FARP2: variants seen among roughly 807,000 people sequenced by gnomAD.
FARP2 encodes FERM, ARH/RhoGEF and pleckstrin domain protein 2.
FARP2 carries 111 observed loss-of-function variants against 130.5 expected under a neutral mutation model. The observed-to-expected ratio is 0.85, with a 90% CI of 0.73 to 1.00. The LOEUF (loss-of-function observed/expected upper bound fraction) is 1.00. Ranked by LOEUF, FARP2 falls within the 50% of genes least tolerant of loss-of-function variation. The pLI is 0.00. For synonymous variants in FARP2, 504 were observed against 516.9 expected, an observed-to-expected ratio of 0.98 and a Z score of 0.34; for missense variants, 1,385 against 1,346.3, an observed-to-expected ratio of 1.03 and a Z score of -0.45.
At chr2:241,375,501 G>A (rs2061516599) in intron 2 of FARP2, among the ~76,000 whole-genome samples, 1 of 151,890 alleles carries the variant, frequency 6.6e-6, no homozygotes, top group Admixed American at 6.6e-5. Flanking sequence ...TAAATAAGAT[G>A]TAAATTCTTC....
At chr2:241,483,368 C>A (rs1465157722) in intron 19 of FARP2, 97 bp from the exon 20 acceptor site, 11 of 1,011,600 alleles carry the variant, frequency 1.1e-5, no homozygotes, top group Non-Finnish European at 1.7e-5. Context: ...CAGAGGAGCA[C>A]AAGCGGCCAC....
chr2:241,409,590 C>A (rs1278200034), intron 5 of FARP2, among the ~76,000 whole-genome samples: 4 of 152,118 alleles, frequency 2.6e-5, no homozygotes. Flanking sequence ...AGTAAAAGTT[C>A]TCCATTTACT....
chr2:241,483,955 G>A (rs1559811343), intron 20 of FARP2: 2 of 1,302,512 alleles, frequency 1.5e-6, no homozygotes, highest in East Asian at 3.6e-5. Flanking sequence ...GAAACATGTG[G>A]ATGAGGAGGT....
At chr2:241,430,610 C>G (rs750500600) in intron 8 of FARP2, among the ~76,000 whole-genome samples, 112 of 152,294 alleles carry the variant, frequency 7.4e-4, no homozygotes, top group Admixed American at 1.3e-3. Flanking sequence ...CCTGCCTGGC[C>G]ACTATCACTG....
At chr2:241,359,089 T>A (rs2061127185) in intron 1 of FARP2, among the ~76,000 whole-genome samples, 1 of 152,170 alleles carries the variant, frequency 6.6e-6, no homozygotes, top group South Asian at 2.1e-4. Flanking sequence ...GGAAATATGC[T>A]TTAAAATGTG....
At position 241,463,325 on chromosome 2, in the gene FARP2, C is replaced by G; in HGVS notation, c.1678-10C>G. The G allele has an allele frequency of 1.2e-6, 2 of 1,613,318 alleles. No individual in the cohort carries two copies. Among genetic ancestry groups the G allele is most frequent in the Non-Finnish European group, 1.7e-6 (2 of 1,179,478 alleles). ...GCCACACCTCCCATCACACCACACTCTTCCCACAGTGGTTCCGCAGCGCAG... is the reference window on the plus strand; with the variant it reads ...GCCACACCTCCCATCACACCACACTGTTCCCACAGTGGTTCCGCAGCGCAG... On this transcript the variant is annotated splice_polypyrimidine_tract_variant and intron_variant, in intron 15 of 26. Coordinates refer to ENST00000264042, the MANE Select transcript of FARP2 (RefSeq NM_014808.4).
At chr2:241,444,664 A>G (rs571491610) in intron 13 of FARP2, 1 of 152,084 alleles carries the variant, frequency 6.6e-6, no homozygotes, top group South Asian at 2.1e-4. Flanking sequence ...TCACTCGCTC[A>G]TGTGCGAGAT....
intron 7 of FARP2, among the ~76,000 whole-genome samples, chr2:241,414,752 G>A (rs7574176): frequency 0.016 from 2,430 of 152,336 alleles, 43 homozygotes; most frequent in African/African-American, 0.042. Flanking sequence ...TGTGTGCAGT[G>A]TAGCGGGAGC....
intron 2 of FARP2, among the ~76,000 whole-genome samples, chr2:241,390,132 C>T (rs757931563): frequency 2.3e-4 from 35 of 152,192 alleles, no homozygotes; most frequent in Non-Finnish European, 4.0e-4. Context: ...TGAAGTTGGC[C>T]CCGTGGCATA....
intron 5 of FARP2, 98 bp from the exon 6 acceptor site, chr2:241,410,935 C>T: frequency 1.2e-6 from 1 of 861,012 alleles, no homozygotes; most frequent in Non-Finnish European, 1.9e-6. Flanking sequence ...ACTGCCACTT[C>T]CCAGGGCTCA....
intron 17 of FARP2, chr2:241,465,735 C>T: frequency 6.4e-7 from 1 of 1,550,858 alleles, no homozygotes; most frequent in Non-Finnish European, 8.7e-7. Context: ...CACCATGAAG[C>T]TGAGCCACAG....
chr2:241,410,039 AG>A (rs1450433530), intron 5 of FARP2, among the ~76,000 whole-genome samples: 5 of 151,016 alleles, frequency 3.3e-5, no homozygotes, highest in East Asian at 2.0e-4. Context: ...CACTAGGGAC[AG>A]GGGGTTGGTC....
At chr2:241,441,645 G>A in intron 13 of FARP2, 89 bp downstream of exon 13, 1 of 1,566,336 alleles carries the variant, frequency 6.4e-7, no homozygotes, top group African/African-American at 1.3e-5. Context: ...ACACAGGGAG[G>A]GCCGGTAGGG....
intron 8 of FARP2, among the ~76,000 whole-genome samples, chr2:241,431,287 C>G (rs1201554057): frequency 1.3e-5 from 2 of 152,034 alleles, no homozygotes; most frequent in Non-Finnish European, 2.9e-5. Context: ...GGCAACAGAG[C>G]AAGACCTCAT....
rs1006029435 is a variant in FARP2, at chr2:241,369,149, A to T, written c.-24-3935A>T. Among the ~76,000 whole-genome samples, 6 of 151,972 alleles carry T rather than the reference A, an allele frequency of 3.9e-5. 1 individual carries two copies. The highest frequency in any genetic ancestry group is 1.5e-4 in the African/African-American group (6 of 41,306). ...TTGGAAAGTGTGCAAACGTGTAAAG[A>T]TTTCCTCTGTGAGCCACATATTTGA... is the stretch of plus-strand genomic sequence containing the variant. On this transcript the variant is annotated intron_variant, in intron 1 of 26. Coordinates refer to ENST00000264042, the MANE Select transcript of FARP2 (RefSeq NM_014808.4).
chr2:241,479,385 G>A (rs1208693141), intron 19 of FARP2, among the ~76,000 whole-genome samples: 3 of 152,240 alleles, frequency 2.0e-5, no homozygotes, highest in African/African-American at 4.8e-5. Context: ...CCAGCACGCC[G>A]TGGCCTCGGG....
chr2:241,454,548 G>A (rs972746844), intron 13 of FARP2, among the ~76,000 whole-genome samples: 52 of 152,128 alleles, frequency 3.4e-4, no homozygotes, highest in Admixed American at 2.8e-3. Context: ...GCGCATCTTC[G>A]GAAACATGCC....
chr2:241,404,453 G>A lies in FARP2; in HGVS notation c.289-346G>A, dbSNP rs902962799. Among the ~76,000 whole-genome samples the A allele has an allele frequency of 5.3e-5, 8 of 152,118 alleles. No individual in the cohort carries two copies. The East Asian group carries it at 5.8e-4, about 11-fold the overall frequency. The stretch of plus-strand genomic sequence containing the variant: ...ACGTACCTCTTTTTTGCAGAAGCCC[G>A]CTCATCAGTTTGTTCACAAATGCAG... On this transcript the variant is annotated intron_variant, in intron 3 of 26. Transcript: ENST00000264042.
At chr2:241,435,757 C>G (rs567909176) in intron 11 of FARP2, among the ~76,000 whole-genome samples, 5 of 150,356 alleles carry the variant, frequency 3.3e-5, no homozygotes, top group Admixed American at 3.3e-4. Context: ...ATGATCCACC[C>G]GCCTCGGCCT....
Sources: allele counts gnomAD v4.1 joint callset (sites outside exome capture counted in the v4.1 genomes callset), GRCh38; gene constraint gnomAD v4.1.1; transcripts MANE v1.5; gene names NCBI Gene and HGNC (gene_info 2026-07-23, HGNC 2026-07-21).